The following CSMD1 variants were observed in gnomAD, a reference collection of about 807,000 sequenced individuals.
CSMD1 encodes CUB and sushi domain-containing protein 1.
A neutral mutation model predicts 417.5 loss-of-function variants in CSMD1; 213 were observed. The ratio of observed to expected loss-of-function variants is 0.51; its 90% confidence interval spans 0.46 to 0.57. The LOEUF (loss-of-function observed/expected upper bound fraction) is 0.57. Ranked by LOEUF, CSMD1 falls within the 20% of genes least tolerant of loss-of-function variation. CSMD1 has a pLI of 0.00. For synonymous variants in CSMD1, 2,862 were observed against 1,736.8 expected (o/e 1.65, Z -16.11); for missense variants, 6,923 against 4,529.7 (o/e 1.53, Z -15.17).
At chr8:3,557,529 T>G (rs1799209893) in intron 10 of CSMD1, among the ~76,000 whole-genome samples, 4 of 152,108 alleles carry the variant, frequency 2.6e-5, no homozygotes, top group African/African-American at 9.7e-5. Flanking sequence ...AAACAAACAC[T>G]CTTTAAAAAG....
intron 7 of CSMD1, among the ~76,000 whole-genome samples, chr8:3,668,209 A>G (rs1481972917): frequency 6.6e-6 from 1 of 152,160 alleles, no homozygotes; most frequent in African/African-American, 2.4e-5. Context: ...AAGGGAACAT[A>G]GTAAAACTGA....
intron 2 of CSMD1, among the ~76,000 whole-genome samples, chr8:4,586,345 G>A (rs766354709): frequency 6.6e-6 from 1 of 152,142 alleles, no homozygotes; most frequent in South Asian, 2.1e-4. Flanking sequence ...CTTGTGTAGA[G>A]ATAGATTTCT....
intron 2 of CSMD1, among the ~76,000 whole-genome samples, chr8:4,597,276 G>C (rs1174843725): frequency 1.3e-5 from 2 of 152,070 alleles, no homozygotes; most frequent in African/African-American, 2.4e-5. Flanking sequence ...TCTAATTTGA[G>C]AAATAGATAT....
intron 7 of CSMD1, among the ~76,000 whole-genome samples, chr8:3,664,853 C>T (rs1199498621): frequency 2.6e-5 from 4 of 152,168 alleles, no homozygotes; most frequent in African/African-American, 7.2e-5. Context: ...TAAAGCCAGA[C>T]ATCATAAACA....
At chr8:4,186,893 G>A (rs1293220314) in intron 3 of CSMD1, among the ~76,000 whole-genome samples, 1 of 151,852 alleles carries the variant, frequency 6.6e-6, no homozygotes, top group Non-Finnish European at 1.5e-5. Context: ...CTACTCGGGA[G>A]GCTGAGGCAG....
At chr8:3,658,452 AAT>A (rs963256667) in intron 7 of CSMD1, among the ~76,000 whole-genome samples, 13 of 103,696 alleles carry the variant, frequency 1.3e-4, no homozygotes, top group African/African-American at 4.3e-4. Flanking sequence ...ATATATCTAT[AAT>A]ATATATATTG....
intron 2 of CSMD1, among the ~76,000 whole-genome samples, chr8:4,590,931 G>C (rs1409937694): frequency 3.3e-5 from 5 of 152,192 alleles, no homozygotes; most frequent in Non-Finnish European, 7.3e-5. Context: ...GGCCTTCTGA[G>C]CTCTGCTGAG....
At chr8:3,140,376 G>A (rs970502779) in intron 41 of CSMD1, among the ~76,000 whole-genome samples, 7 of 151,380 alleles carry the variant, frequency 4.6e-5, no homozygotes, top group African/African-American at 9.7e-5. Flanking sequence ...TTTCTCTCTC[G>A]TGCTTCAAGT....
rs1798361804 is a variant in CSMD1 at position 3,660,551 on chromosome 8, G to A, written c.1010-43754C>T. 1.6e-4 allele frequency among the ~76,000 whole-genome samples: 13 copies of A among 81,272 alleles called. 3 individuals carry two copies. Among genetic ancestry groups the A allele is most frequent in the Non-Finnish European group, 1.8e-4 (8 of 44,818 alleles). 53.3% of individuals were successfully genotyped at this position (81,272 alleles called of 152,430 possible). ...TTTTTTTTTTTTTGAAAAAAAACAA[G>A]GCCCTGCAGTCCAGGCAAGAGTGCA... On this transcript the variant is annotated intron_variant, in intron 7 of 69. Coordinates refer to ENST00000635120, the MANE Select transcript of CSMD1 (RefSeq NM_033225.6).
At chr8:4,110,722 T>C (rs914559252) in intron 3 of CSMD1, among the ~76,000 whole-genome samples, 6 of 152,092 alleles carry the variant, frequency 3.9e-5, no homozygotes, top group African/African-American at 1.4e-4. Context: ...TTTTCCCCTT[T>C]CTCATGCTCT....
chr8:4,158,396 C>A (rs1175414247), intron 3 of CSMD1, among the ~76,000 whole-genome samples: 3 of 151,894 alleles, frequency 2.0e-5, no homozygotes, highest in African/African-American at 7.3e-5. Context: ...CTAGTGCGGT[C>A]ATCACTATTG....
At chr8:4,164,702 T>C (rs1797355699) in intron 3 of CSMD1, among the ~76,000 whole-genome samples, 1 of 151,920 alleles carries the variant, frequency 6.6e-6, no homozygotes, top group Non-Finnish European at 1.5e-5. Flanking sequence ...GTTGCTGAGG[T>C]GGAGGAAAGA....
At chr8:4,165,938 A>T (rs889090961) in intron 3 of CSMD1, among the ~76,000 whole-genome samples, 2 of 152,184 alleles carry the variant, frequency 1.3e-5, no homozygotes, top group African/African-American at 4.8e-5. Flanking sequence ...AACTATCATT[A>T]CTCTTACTCT....
chr8:4,330,226 T>C (rs1442120086), intron 3 of CSMD1, among the ~76,000 whole-genome samples: 3 of 151,978 alleles, frequency 2.0e-5, no homozygotes, highest in Non-Finnish European at 4.4e-5. Flanking sequence ...CAGATCCACC[T>C]GTCAGATCCA....
intron 2 of CSMD1, among the ~76,000 whole-genome samples, chr8:4,609,176 G>C (rs1472472588): frequency 6.6e-6 from 1 of 152,198 alleles, no homozygotes; most frequent in Non-Finnish European, 1.5e-5. Context: ...GAGGTGGGCA[G>C]ACTGCTTCAA....
At chr8:4,622,350 A>G (rs1801831779) in intron 2 of CSMD1, among the ~76,000 whole-genome samples, 1 of 151,820 alleles carries the variant, frequency 6.6e-6, no homozygotes, top group Non-Finnish European at 1.5e-5. Flanking sequence ...GAGGCTCAAC[A>G]CTCCACACAG....
At chr8:2,975,137 A>G (rs1436500350) in intron 55 of CSMD1, among the ~76,000 whole-genome samples, 1 of 152,212 alleles carries the variant, frequency 6.6e-6, no homozygotes, top group African/African-American at 2.4e-5. Flanking sequence ...GGGGCAGTCT[A>G]ATATGTATAA....
At chr8:3,339,256 T>C (rs1807485202) in intron 23 of CSMD1, among the ~76,000 whole-genome samples, 1 of 152,158 alleles carries the variant, frequency 6.6e-6, no homozygotes, top group Non-Finnish European at 1.5e-5. Context: ...GAATGTCGTT[T>C]ATACCCATCT....
At chr8:4,852,041 A>T (rs1585212260) in intron 1 of CSMD1, among the ~76,000 whole-genome samples, 1 of 152,184 alleles carries the variant, frequency 6.6e-6, no homozygotes, top group Non-Finnish European at 1.5e-5. Flanking sequence ...ATACCTCCTC[A>T]GCAGGGCTTA....
Sources: gnomAD v4.1 joint callset for allele counts (sites outside exome capture counted in the v4.1 genomes callset) on GRCh38, gnomAD v4.1.1 for gene constraint, MANE v1.5 for transcripts, NCBI Gene and HGNC (gene_info 2026-07-23, HGNC 2026-07-21) for gene names.